The following PRRC2B variants were observed in gnomAD, a reference collection of about 807,000 sequenced individuals.
The protein encoded by PRRC2B is protein PRRC2B.
Under a neutral mutation model 242.3 loss-of-function variants are expected in PRRC2B, and 68 were observed. That is an observed-to-expected ratio of 0.28 (90% confidence interval 0.23 to 0.34). The LOEUF (loss-of-function observed/expected upper bound fraction) is 0.34, where lower values mean the gene tolerates loss of function less well. Among genes scored for constraint, PRRC2B ranks in the 10% least tolerant of loss-of-function variants. The probability of loss-of-function intolerance (pLI) is 1.00; values close to 1 mark genes in which losing one functional copy is unlikely to be tolerated. For missense variants in PRRC2B, 2,835 were observed against 2,954.8 expected, an observed-to-expected ratio of 0.96 and a Z score of 0.94; for synonymous variants, 1,228 against 1,173.6, an observed-to-expected ratio of 1.05 and a Z score of -0.95.
intron 2 of PRRC2B, among the ~76,000 whole-genome samples, chr9:131,430,561 A>ATATGTGTG (rs369217813): frequency 8.4e-6 from 1 of 118,718 alleles, no homozygotes; most frequent in Non-Finnish European, 1.7e-5. Flanking sequence ...GTGTGTGTGT[A>ATATGTGTG]TGTGTGTGTG....
At chr9:131,407,866 TA>T (rs546625537) in intron 1 of PRRC2B, among the ~76,000 whole-genome samples, 29 of 152,174 alleles carry the variant, frequency 1.9e-4, no homozygotes, top group Admixed American at 1.7e-3. Context: ...TATCTGCAAA[TA>T]GGGGGTGATA....
In PRRC2B at chr9:131,430,058, CTCTT is replaced by C. The variant is rs1588245246; in HGVS notation, c.-51-34_-51-31del. ...GTGACACTCTTTTTTTTTTTTCTCT[CTCTT>C]TTTTTTTTTTTCTTCTCTATTTCAA... On this transcript the variant is annotated intron_variant, in intron 1 of 31. Transcript: ENST00000683519. The C allele has an allele frequency of 1.2e-4, 75 of 633,854 alleles. No individual in the cohort carries two copies. In the East Asian group the frequency reaches 2.1e-3, roughly 18 times the overall value. 39.3% of individuals were successfully genotyped at this position (633,854 alleles called of 1,614,324 possible).
rs575811996 is a variant in PRRC2B at position 131,401,358 on chromosome 9, C to T, written c.-52+7095C>T. 2.3e-4 allele frequency among the ~76,000 whole-genome samples: 35 copies of T among 151,650 alleles called. No individual in the cohort carries two copies. In the East Asian group the frequency reaches 4.9e-3, roughly 21 times the overall value. Reference sequence around the variant, plus strand: ...ACTCCCCTCCCCCATCCAGTGGCGGCGGCCACCATTCTTACCATTCTTTCT... The same window carrying T: ...ACTCCCCTCCCCCATCCAGTGGCGGTGGCCACCATTCTTACCATTCTTTCT... On this transcript the variant is annotated intron_variant, in intron 1 of 31. Transcript: ENST00000683519.
In PRRC2B at chr9:131,465,073, A is replaced by T. The variant is rs748905286; in HGVS notation, c.1715A>T (p.His572Leu). 1.1e-5 allele frequency: 18 copies of T among 1,612,034 alleles called. No homozygotes were observed. The Admixed American group carries it at 3.0e-4, about 27-fold the overall frequency. Residue 572 changes from histidine (H) to leucine (L), a missense_variant, in exon 12 of 32, where the codon CAC becomes CTC. His to Leu is a moderately conservative substitution (Grantham distance 99). Around this residue, in one of 7 missense-constraint regions of PRRC2B, gnomAD observed 1,536 missense variants for 1,483.1 expected, o/e 1.04. Coordinates refer to ENST00000683519, the MANE Select transcript of PRRC2B (RefSeq NM_013318.4). ...CCCCAGGAAAACGGCCCTGCTGTCC[A>T]CAAAGGTAAGAGCTGGGCCGTCTTC... is the stretch of plus-strand genomic sequence containing the variant. ...ASPQENGPAV[H>L]KGSPEFPAQE...
intron 1 of PRRC2B, among the ~76,000 whole-genome samples, chr9:131,403,853 A>C (rs1242241803): frequency 6.6e-6 from 1 of 152,098 alleles, no homozygotes; most frequent in Non-Finnish European, 1.5e-5. Flanking sequence ...ACTATATTGT[A>C]TTGCAACTTG....
chr9:131,475,680 G>A lies in PRRC2B; in HGVS notation c.3551G>A (p.Cys1184Tyr). Residue 1184 changes from cysteine to tyrosine, a missense_variant, in exon 16 of 32, where the codon TGC (cysteine) becomes TAC (tyrosine). This residue lies in a region of PRRC2B where 1,536 missense variants were observed against 1,483.1 expected (regional missense o/e 1.04). Coordinates refer to ENST00000683519, the MANE Select transcript of PRRC2B (RefSeq NM_013318.4). ...CRDSWRSNKG[C>Y]SEDHSGLDAK... ...GATTCTTGGCGGTCCAACAAGGGGT[G>A]CTCTGAGGACCACAGCGGTCTAGAT... The A allele has an allele frequency of 6.2e-7, 1 of 1,612,430 alleles. No individual in the cohort carries two copies.
intron 1 of PRRC2B, among the ~76,000 whole-genome samples, chr9:131,414,932 C>T (rs1837605904): frequency 6.6e-6 from 1 of 152,092 alleles, no homozygotes; most frequent in South Asian, 2.1e-4. Flanking sequence ...ACACGTGGTC[C>T]TTATTTCCTG....
intron 1 of PRRC2B, among the ~76,000 whole-genome samples, chr9:131,419,431 T>TA (rs1177746090): frequency 2.0e-5 from 3 of 151,770 alleles, no homozygotes; most frequent in African/African-American, 7.3e-5. Flanking sequence ...CAGGAGGAGG[T>TA]AGAAGCACAG....
At chr9:131,439,111 T>C in intron 5 of PRRC2B, 50 bp downstream of exon 5, 1 of 1,503,954 alleles carries the variant, frequency 6.6e-7, no homozygotes, top group Non-Finnish European at 9.2e-7. Flanking sequence ...GAGAGGGAGG[T>C]GAATGCCTTT....
In PRRC2B at chr9:131,486,097, C is replaced by G; in HGVS notation, c.5771C>G (p.Pro1924Arg). 1 of 1,612,012 alleles carries G rather than the reference C, an allele frequency of 6.2e-7. No homozygotes were observed. The highest frequency in any genetic ancestry group is 1.1e-5 in the South Asian group (1 of 90,708). ...PSASMPGSHL[P>R]PLYLDGHVFA... ...GCTCTGTTTCCAGGCAGCCACCTCC[C>G]GCCCCTGTACCTGGATGGCCATGTG... The change falls in exon 26 of 32, where the codon CCG (proline) becomes CGG (arginine). Residue 1924 changes from proline (P) to arginine (R), a missense_variant. By Grantham distance (103) the Pro-to-Arg change is moderately radical (BLOSUM62 -2). Coordinates refer to ENST00000683519, the MANE Select transcript of PRRC2B (RefSeq NM_013318.4).
intron 10 of PRRC2B, 53 bp downstream of exon 10, chr9:131,455,219 T>G: frequency 3.2e-6 from 4 of 1,264,642 alleles, no homozygotes; most frequent in Non-Finnish European, 3.4e-6. Context: ...CTTAGTGTTG[T>G]TGTGTACCCA....
intron 19 of PRRC2B, 134 bp downstream of exon 19, chr9:131,479,527 C>A: frequency 1.2e-6 from 1 of 867,754 alleles, no homozygotes; most frequent in South Asian, 1.8e-5. Flanking sequence ...TTGCTGTGTT[C>A]CGCTGCTGAG....
intron 14 of PRRC2B, among the ~76,000 whole-genome samples, chr9:131,473,218 G>T (rs1287479511): frequency 6.6e-6 from 1 of 152,132 alleles, no homozygotes; most frequent in Non-Finnish European, 1.5e-5. Flanking sequence ...GTATAGAAAG[G>T]CTTCATCCCC....
rs534125303 is a variant in PRRC2B, at chr9:131,466,285, C to T, written c.1720+1207C>T. ...ATTAAAGGTTGAGTGAGGACTGTGCCACTCTTATAGGAAAGTTGCACTGAG... is the reference window on the plus strand; with the variant it reads ...ATTAAAGGTTGAGTGAGGACTGTGCTACTCTTATAGGAAAGTTGCACTGAG... On this transcript the variant is annotated intron_variant, in intron 12 of 31. Transcript: ENST00000683519. 3.3e-5 allele frequency among the ~76,000 whole-genome samples: 5 copies of T among 152,212 alleles called. No homozygotes were observed. In the East Asian group the frequency reaches 9.6e-4, roughly 29 times the overall value.
In PRRC2B at chr9:131,487,078, A is replaced by G; in HGVS notation, c.5857-89A>G. On this transcript the variant is annotated intron_variant, in intron 26 of 31. Coordinates refer to ENST00000683519, the MANE Select transcript of PRRC2B (RefSeq NM_013318.4). This position sits in a 1 kb window ranked among gnomAD's most constrained non-coding sequence, Gnocchi z 5.3. ...AATTTTGGGCAGTGTTCCAGCAGCCATGTGGAGAGGGGCAGGGGAGGTGGG... is the reference window on the plus strand; with the variant it reads ...AATTTTGGGCAGTGTTCCAGCAGCCGTGTGGAGAGGGGCAGGGGAGGTGGG... 2.6e-6 allele frequency: 3 copies of G among 1,162,808 alleles called. No homozygotes were observed. Among genetic ancestry groups the G allele is most frequent in the Non-Finnish European group, 3.8e-6 (3 of 788,748 alleles). The allele number at this position is 1,162,808 out of a possible 1,614,324, so 72.0% of individuals were successfully genotyped here. A position where few individuals can be genotyped will look rare whatever the true frequency, so the allele number is the denominator to read the frequency against.
intron 13 of PRRC2B, among the ~76,000 whole-genome samples, chr9:131,470,402 T>C (rs530788094): frequency 1.1e-4 from 17 of 152,258 alleles, no homozygotes; most frequent in African/African-American, 4.1e-4. Flanking sequence ...GAAGGGATGC[T>C]GGTGTATTAT....
chr9:131,480,340 A>C (rs561781454), intron 19 of PRRC2B, among the ~76,000 whole-genome samples: 1 of 152,362 alleles, frequency 6.6e-6, no homozygotes, highest in African/African-American at 2.4e-5. Flanking sequence ...GCTTTGATGG[A>C]AAGGAAGCAC....
In PRRC2B at chr9:131,474,512, G is replaced by A. The variant is rs1367433964; in HGVS notation, c.2383G>A (p.Asp795Asn). 1.2e-6 allele frequency: 2 copies of A among 1,613,994 alleles called. No individual in the cohort carries two copies. Among genetic ancestry groups the A allele is most frequent in the Non-Finnish European group, 1.7e-6 (2 of 1,179,880 alleles). Reference protein sequence around the residue: ...GRAGGVSAQRDLFEERGEEYL... With the variant: ...GRAGGVSAQRNLFEERGEEYL... The stretch of plus-strand genomic sequence containing the variant: ...GGCAGGGGGCGTAAGTGCTCAGCGC[G>A]ATCTCTTTGAGGAGAGAGGGGAGGA... Residue 795 changes from aspartate (D) to asparagine (N), a missense_variant, in exon 16 of 32, where the codon GAT (aspartate) becomes AAT (asparagine). Transcript: ENST00000683519.
In PRRC2B at chr9:131,446,585, A is replaced by G. The variant is rs1181871321; in HGVS notation, c.798A>G (p.Ser266=). 2 of 1,613,824 alleles carry G rather than the reference A, an allele frequency of 1.2e-6. No homozygotes were observed. Among genetic ancestry groups the G allele is most frequent in the Non-Finnish European group, 1.7e-6 (2 of 1,179,874 alleles). Residue 266 remains serine (S), a synonymous_variant, in exon 7 of 32, where the codon TCA becomes TCG. Coordinates refer to ENST00000683519, the MANE Select transcript of PRRC2B (RefSeq NM_013318.4). The surrounding 1 kb of genome is among the most constrained non-coding windows in gnomAD (Gnocchi z 4.1). ...CTCAGCCTGTCCGAAAAGGGGCTTC[A>G]CAGTTCATGGGAAATGTATACCACC... ...RPAQPVRKGA[S]QFMGNVYHPP... is the part of the protein sequence containing the mutation.
Sources: gnomAD v4.1 joint callset for allele counts (sites outside exome capture counted in the v4.1 genomes callset) on GRCh38, gnomAD v4.1.1 for gene constraint, gnomAD v4.1.1 regional missense constraint, Gnocchi (gnomAD v3.1) non-coding constraint, MANE v1.5 for transcripts, NCBI Gene and HGNC (gene_info 2026-07-23, HGNC 2026-07-21) for gene names.